The following DOP1B variants were observed in gnomAD, a reference collection of about 807,000 sequenced individuals.
The protein encoded by DOP1B is DOP1 leucine zipper like protein B.
A neutral mutation model predicts 233.5 loss-of-function variants in DOP1B; 174 were observed. That is an observed-to-expected ratio of 0.75 (90% confidence interval 0.66 to 0.85). DOP1B has a LOEUF of 0.85. Ranked by LOEUF, DOP1B falls within the 40% of genes least tolerant of loss-of-function variation. The probability of loss-of-function intolerance (pLI) is 0.00; values close to 1 mark genes in which losing one functional copy is unlikely to be tolerated. For missense variants in DOP1B, 2,652 were observed against 2,846.6 expected (o/e 0.93, Z 1.56); for synonymous variants, 1,190 against 1,185.6 (o/e 1.00, Z -0.08).
At chr21:36,254,759 G>T (rs1050721853) in intron 23 of DOP1B, among the ~76,000 whole-genome samples, 3 of 145,234 alleles carry the variant, frequency 2.1e-5, no homozygotes, top group Non-Finnish European at 4.5e-5. Context: ...AAATTATTTG[G>T]CAACCTTGAG....
chr21:36,228,787 A>ATAAAC (rs1379299234), intron 13 of DOP1B, among the ~76,000 whole-genome samples: 17 of 77,300 alleles, frequency 2.2e-4, no homozygotes, highest in Non-Finnish European at 2.3e-5. Context: ...ATAAAATAAA[A>ATAAAC]TAAAATAAAA....
At chr21:36,289,241 T>A in intron 35 of DOP1B, 35 bp downstream of exon 35, 3 of 1,595,626 alleles carry the variant, frequency 1.9e-6, no homozygotes, top group Non-Finnish European at 2.6e-6. Flanking sequence ...CTTTTTGAAG[T>A]AAGAGATTTT....
At position 36,273,409 on chromosome 21, in the gene DOP1B, CA is replaced by C. The variant is rs146353684; in HGVS notation, c.5632+3264del. Among the ~76,000 whole-genome samples, 884 of 141,364 alleles carry C rather than the reference CA, an allele frequency of 6.3e-3. 9 individuals are homozygous for C. The highest frequency in any genetic ancestry group is 0.021 in the African/African-American group (820 of 38,594). The allele number at this position is 141,364 out of a possible 152,430, so 92.7% of individuals were successfully genotyped here. On this transcript the variant is annotated intron_variant, in intron 27 of 36. Coordinates refer to ENST00000691173, the MANE Select transcript of DOP1B (RefSeq NM_001320714.2). Reference sequence around the variant, plus strand: ...GCAACAGAGGGTGCAAACTCCATCTCAAAAAAAAAAAAGTTTTTTTAATGAC... The same window carrying C: ...GCAACAGAGGGTGCAAACTCCATCTCAAAAAAAAAAAGTTTTTTTAATGAC...
chr21:36,292,839 C>G (rs1490246717), intron 36 of DOP1B, among the ~76,000 whole-genome samples: 2 of 152,220 alleles, frequency 1.3e-5, no homozygotes, highest in South Asian at 4.1e-4. Context: ...GTCTCGAACT[C>G]CTGACCTCAG....
chr21:36,239,587 C>T (rs1458119275), intron 17 of DOP1B, among the ~76,000 whole-genome samples, 178 bp from the exon 18 acceptor site: 1 of 152,164 alleles, frequency 6.6e-6, no homozygotes, highest in African/African-American at 2.4e-5. Flanking sequence ...ACTGGTGATT[C>T]CAACGCGAAA....
intron 26 of DOP1B, 83 bp downstream of exon 26, chr21:36,263,897 A>G: frequency 7.6e-7 from 1 of 1,314,144 alleles, no homozygotes; most frequent in Non-Finnish European, 1.1e-6. Flanking sequence ...TAGCAGGTAG[A>G]CAAGAGACAT....
intron 33 of DOP1B, 52 bp from the exon 34 acceptor site, chr21:36,288,704 T>G: frequency 7.6e-7 from 1 of 1,315,656 alleles, no homozygotes; most frequent in Non-Finnish European, 1.1e-6. Flanking sequence ...AAAAAATATT[T>G]GGGTAGATTT....
intron 20 of DOP1B, 37 bp from the exon 21 acceptor site, chr21:36,248,343 G>C: frequency 6.2e-7 from 1 of 1,604,294 alleles, no homozygotes; most frequent in Non-Finnish European, 8.5e-7. Flanking sequence ...CCATTCCACA[G>C]ACACAGCCTG....
intron 5 of DOP1B, 89 bp from the exon 6 acceptor site, chr21:36,211,464 G>C: frequency 8.4e-7 from 1 of 1,187,626 alleles, no homozygotes. Flanking sequence ...TATAACGCAG[G>C]AGTTTCAAGA....
chr21:36,232,450 T>A (rs961639102), intron 14 of DOP1B, among the ~76,000 whole-genome samples: 1 of 152,152 alleles, frequency 6.6e-6, no homozygotes, highest in Non-Finnish European at 1.5e-5. Context: ...CAGCTTCTGG[T>A]GCTGGCCGGC....
rs1021764146 is a variant in DOP1B, at chr21:36,239,876, C to G, written c.2988C>G (p.Leu996=). 6.2e-6 allele frequency: 10 copies of G among 1,602,842 alleles called. No individual in the cohort carries two copies. Among genetic ancestry groups the G allele is most frequent in the African/African-American group, 1.3e-5 (1 of 74,626 alleles). Residue 996 remains leucine, a synonymous_variant, in exon 18 of 37, where the codon CTC becomes CTG. Transcript: ENST00000691173. ...CCCTCGGGGACGTGGCTCGCATCCT[C>G]GAACCCGTGCTCCTGCTGCTGCTGC... ...ALSLGDVARI[L]EPVLLLLLQP...
At chr21:36,290,410 C>A (rs1569074572) in intron 35 of DOP1B, among the ~76,000 whole-genome samples, 1 of 152,118 alleles carries the variant, frequency 6.6e-6, no homozygotes, top group Non-Finnish European at 1.5e-5. Flanking sequence ...CCTGTAATCC[C>A]AGCACTTTGG....
intron 18 of DOP1B, among the ~76,000 whole-genome samples, chr21:36,241,293 CA>C (rs796961195): frequency 1.4e-4 from 20 of 143,786 alleles, no homozygotes; most frequent in Non-Finnish European, 9.2e-5. Flanking sequence ...GACTCCATCT[CA>C]AAAAAAAAAG....
At chr21:36,164,606 A>G in intron 1 of DOP1B, 102 bp from the exon 2 acceptor site, 1 of 883,294 alleles carries the variant, frequency 1.1e-6, no homozygotes, top group Non-Finnish European at 1.6e-6. Flanking sequence ...GAGTTTGTGC[A>G]CAGTTGTGTT....
At chr21:36,159,120 G>A (rs1601366561) in intron 1 of DOP1B, among the ~76,000 whole-genome samples, 1 of 151,634 alleles carries the variant, frequency 6.6e-6, no homozygotes, top group Admixed American at 6.6e-5. Context: ...TGACAAGAGC[G>A]AGACTCTGTC....
Position 36,246,456 on chromosome 21 carries a change from C to A in DOP1B, c.4476C>A (p.Pro1492=). The change falls in exon 19 of 37, where the codon CCC becomes CCA. Residue 1492 remains proline, a synonymous_variant. Transcript: ENST00000691173. The surrounding 1 kb of genome is among the most constrained non-coding windows in gnomAD (Gnocchi z 5.1). ...CCCTGCAGTACGTGCAGCCCCACCC[C>A]CTCACCTCCCAGGGTCTTCTGGTCT... ...ISALQYVQPH[P]LTSQGLLVSA... The A allele has an allele frequency of 6.2e-7, 1 of 1,613,914 alleles. No individual in the cohort carries two copies. Among genetic ancestry groups the A allele is most frequent in the Non-Finnish European group, 8.5e-7 (1 of 1,179,972 alleles).
chr21:36,288,992 A>C, intron 34 of DOP1B, 53 bp from the exon 35 acceptor site: 1 of 1,596,274 alleles, frequency 6.3e-7, no homozygotes, highest in Non-Finnish European at 8.5e-7. Flanking sequence ...AGGTGAATGG[A>C]CTATAACAGA....
Position 36,246,146 on chromosome 21 carries a change from T to C in DOP1B, c.4166T>C (p.Leu1389Pro), listed in dbSNP as rs778458066. The change falls in exon 19 of 37, where the codon CTC (leucine) becomes CCC (proline). Residue 1389 changes from leucine (L) to proline (P), a missense_variant. By Grantham distance (98) the Leu-to-Pro change is moderately conservative. Coordinates refer to ENST00000691173, the MANE Select transcript of DOP1B (RefSeq NM_001320714.2). The surrounding 1 kb of genome is among the most constrained non-coding windows in gnomAD (Gnocchi z 5.1). The stretch of plus-strand genomic sequence containing the variant: ...TGCAAAGTTCAGGAGTTTGTCCTGC[T>C]CTCCCTGTCGGCGTCCATGTACACG... Reference protein sequence around the residue: ...QRCKVQEFVLLSLSASMYTSQ... With the variant: ...QRCKVQEFVLPSLSASMYTSQ... 4.3e-6 allele frequency: 7 copies of C among 1,613,710 alleles called. No individual in the cohort carries two copies. The highest frequency in any genetic ancestry group is 1.7e-6 in the Non-Finnish European group (2 of 1,180,024).
intron 2 of DOP1B, among the ~76,000 whole-genome samples, chr21:36,185,736 C>G (rs2066157426): frequency 6.6e-6 from 1 of 152,196 alleles, no homozygotes; most frequent in African/African-American, 2.4e-5. Flanking sequence ...GCTACCTAAA[C>G]TTCCTCTATG....
Sources: allele counts gnomAD v4.1 joint callset (sites outside exome capture counted in the v4.1 genomes callset), GRCh38; gene constraint gnomAD v4.1.1; non-coding constraint Gnocchi (gnomAD v3.1); transcripts MANE v1.5; gene names NCBI Gene and HGNC (gene_info 2026-07-23, HGNC 2026-07-21).